AHCYL1: variants seen among roughly 807,000 people sequenced by gnomAD.
The protein encoded by AHCYL1 is adenosylhomocysteinase like 1, also known as S-adenosylhomocysteine hydrolase-like protein 1.
Under a neutral mutation model 79.3 loss-of-function variants are expected in AHCYL1, and 20 were observed. The observed-to-expected ratio is 0.25, with a 90% CI of 0.18 to 0.37. The LOEUF (loss-of-function observed/expected upper bound fraction) is 0.37. Ranked by LOEUF, AHCYL1 falls within the 10% of genes least tolerant of loss-of-function variation. The pLI, the probability that AHCYL1 is intolerant of heterozygous loss-of-function variation, is 1.00. For missense variants in AHCYL1, 330 were observed against 673.6 expected (o/e 0.49, Z 5.65); for synonymous variants, 223 against 242.2 (o/e 0.92, Z 0.74).
chr1:110,017,390 C>A, intron 9 of AHCYL1, 105 bp from the exon 10 acceptor site: 1 of 1,002,952 alleles, frequency 1.0e-6, no homozygotes, highest in Non-Finnish European at 1.5e-6. Context: ...CACCAGATGA[C>A]AGGCTATTTC....
intron 9 of AHCYL1, 114 bp from the exon 10 acceptor site, chr1:110,017,381 A>C: frequency 1.1e-6 from 1 of 913,190 alleles, no homozygotes; most frequent in Non-Finnish European, 1.7e-6. Flanking sequence ...GCAGCTGCTC[A>C]CCAGATGACA....
chr1:110,010,352 G>A (rs1199989821), intron 2 of AHCYL1, among the ~76,000 whole-genome samples: 2 of 152,194 alleles, frequency 1.3e-5, no homozygotes, highest in South Asian at 2.1e-4. Context: ...GAGAGTCCAG[G>A]TATACTAGCA....
chr1:109,992,934 C>T (rs771184957), intron 1 of AHCYL1, among the ~76,000 whole-genome samples: 6 of 152,176 alleles, frequency 3.9e-5, no homozygotes, highest in Admixed American at 6.5e-5. Context: ...ATTACAAGTC[C>T]ACAAACTGCT....
intron 1 of AHCYL1, among the ~76,000 whole-genome samples, chr1:109,999,704 ATTT>A (rs148500432): frequency 6.8e-6 from 1 of 148,106 alleles, no homozygotes; most frequent in Non-Finnish European, 1.5e-5. Context: ...CAATGGTAAA[ATTT>A]TTTTTTTTTT....
rs1158166495 is a variant in AHCYL1, at chr1:109,985,121, G to A, written c.69G>A (p.Glu23=). The A allele has an allele frequency of 6.2e-7, 1 of 1,611,678 alleles. No homozygotes were observed. The highest frequency in any genetic ancestry group is 1.1e-5 in the South Asian group (1 of 90,828). The change falls in exon 1 of 17, where the codon GAG becomes GAA. Residue 23 remains glutamate (E), a synonymous_variant. Coordinates refer to ENST00000369799, the MANE Select transcript of AHCYL1 (RefSeq NM_006621.7). The part of the protein sequence containing the change: ...GEELKQAKEI[E]DAEKYSFMAT... ...AGCTGAAGCAGGCCAAGGAGATCGA[G>A]GACGCCGAGAAGTACTCCTTCATGG...
Position 110,021,840 on chromosome 1 carries a change from C to G in AHCYL1, c.*160C>G. 2 of 672,648 alleles carry G rather than the reference C, an allele frequency of 3.0e-6. No individual in the cohort carries two copies. The highest frequency in any genetic ancestry group is 2.4e-6 in the Non-Finnish European group (1 of 417,624). The allele number at this position is 672,648 out of a possible 1,614,324, so 41.7% of individuals were successfully genotyped here. A position where few individuals can be genotyped will look rare whatever the true frequency, so the allele number is the denominator to read the frequency against. ...CATTATCCAAGTTCTGCAGACCACA[C>G]AGGAACTTGCTTCATGGCTCTTTAG... On this transcript the variant is annotated 3_prime_UTR_variant, in exon 17 of 17. Transcript: ENST00000369799.
In AHCYL1 at chr1:110,004,292, C is replaced by T. The variant is rs555799634; in HGVS notation, c.121-4742C>T. The T allele has an allele frequency of 7.0e-5, 69 of 985,372 alleles. No individual in the cohort carries two copies. In the East Asian group the frequency reaches 6.4e-3, roughly 91 times the overall value. The allele number at this position is 985,372 out of a possible 1,614,324, so 61.0% of individuals were successfully genotyped here. Reference sequence around the variant, plus strand: ...AGGCCCCATCTGGGGAGAGTGAGAACTTAAGAAACTTGAGACAGGGAAGGA... The same window carrying T: ...AGGCCCCATCTGGGGAGAGTGAGAATTTAAGAAACTTGAGACAGGGAAGGA... On this transcript the variant is annotated intron_variant, in intron 1 of 16. Transcript: ENST00000369799.
intron 1 of AHCYL1, among the ~76,000 whole-genome samples, chr1:110,001,298 T>G (rs1484041773): frequency 6.6e-6 from 1 of 152,162 alleles, no homozygotes; most frequent in Non-Finnish European, 1.5e-5. Context: ...GCGATTCTCC[T>G]GCCTCAGCCT....
intron 3 of AHCYL1, among the ~76,000 whole-genome samples, chr1:110,011,594 C>T (rs955372399): frequency 6.6e-6 from 1 of 152,182 alleles, no homozygotes; most frequent in African/African-American, 2.4e-5. Context: ...TGTTTTCCTC[C>T]TTGCCCCACC....
chr1:109,994,422 C>G (rs1014910572), intron 1 of AHCYL1, among the ~76,000 whole-genome samples: 1 of 152,120 alleles, frequency 6.6e-6, no homozygotes, highest in Admixed American at 6.6e-5. Flanking sequence ...GCCACCACAC[C>G]TGGCTAAATT....
rs766577917 is a variant in AHCYL1, at chr1:110,019,019, G to C, written c.1318-32G>C. The C allele has an allele frequency of 5.0e-6, 8 of 1,606,750 alleles. No individual in the cohort carries two copies. In the African/African-American group the frequency reaches 9.4e-5, roughly 19 times the overall value. ...GTATGCCATTGGAATCTGAGACAGA[G>C]CTCATCCCAGGGCTCTCTCTTACCT... On this transcript the variant is annotated intron_variant, in intron 13 of 16. Transcript: ENST00000369799.
At chr1:109,994,379 C>T (rs1649918280) in intron 1 of AHCYL1, among the ~76,000 whole-genome samples, 1 of 152,264 alleles carries the variant, frequency 6.6e-6, no homozygotes, top group South Asian at 2.1e-4. Flanking sequence ...TCTCCTGCCT[C>T]AGCCTCCCAA....
At chr1:109,987,583 C>T (rs991700754) in intron 1 of AHCYL1, among the ~76,000 whole-genome samples, 2 of 152,116 alleles carry the variant, frequency 1.3e-5, no homozygotes, top group African/African-American at 4.8e-5. Context: ...TTCTGGTCAG[C>T]TTTTATTCAT....
At chr1:109,985,401 C>T in intron 1 of AHCYL1, 7 of 1,276,936 alleles carry the variant, frequency 5.5e-6, no homozygotes, top group Non-Finnish European at 6.9e-6. Flanking sequence ...CGTTTTGAAA[C>T]CCGACAGGGC....
chr1:109,987,547 CAGTT>C (rs1462033034), intron 1 of AHCYL1, among the ~76,000 whole-genome samples: 7 of 152,202 alleles, frequency 4.6e-5, no homozygotes, highest in African/African-American at 1.4e-4. Context: ...TGATGGTCCT[CAGTT>C]AGATCAGATC....
intron 1 of AHCYL1, among the ~76,000 whole-genome samples, chr1:109,989,384 T>G (rs1390080459): frequency 6.6e-6 from 1 of 152,120 alleles, no homozygotes; most frequent in Non-Finnish European, 1.5e-5. Flanking sequence ...TTTTTAAAAT[T>G]TATTTTTATT....
chr1:109,998,941 G>A (rs566648457), intron 1 of AHCYL1, among the ~76,000 whole-genome samples: 36 of 152,196 alleles, frequency 2.4e-4, no homozygotes, highest in African/African-American at 8.2e-4. Context: ...TGCTCAAGGC[G>A]AAGAGTTCAA....
chr1:110,008,990 A>T, intron 1 of AHCYL1, 44 bp from the exon 2 acceptor site: 5 of 1,447,738 alleles, frequency 3.5e-6, no homozygotes, highest in South Asian at 2.4e-5. Context: ...CATTTCATGG[A>T]TTTTCCTTAT....
At chr1:110,010,779 T>A (rs1372651736) in intron 2 of AHCYL1, among the ~76,000 whole-genome samples, 2 of 152,214 alleles carry the variant, frequency 1.3e-5, no homozygotes, top group Admixed American at 1.3e-4. Flanking sequence ...AATATATGTT[T>A]TAACAAACCT....
Sources: allele counts gnomAD v4.1 joint callset (sites outside exome capture counted in the v4.1 genomes callset), GRCh38; gene constraint gnomAD v4.1.1; transcripts MANE v1.5; gene names NCBI Gene and HGNC (gene_info 2026-07-23, HGNC 2026-07-21).